The following PAPPA2 variants were observed in gnomAD, a reference collection of about 807,000 sequenced individuals.
PAPPA2 encodes the protein pappalysin 2.
A neutral mutation model predicts 176.4 loss-of-function variants in PAPPA2; 86 were observed. The ratio of observed to expected loss-of-function variants is 0.49; its 90% CI spans 0.41 to 0.58. The LOEUF is 0.58. Among genes scored for constraint, PAPPA2 ranks in the 20% least tolerant of loss-of-function variants. PAPPA2 has a pLI of 0.00. For synonymous variants in PAPPA2, 809 were observed against 852.2 expected (o/e 0.95, Z 0.88); for missense variants, 2,073 against 2,256.9 (o/e 0.92, Z 1.65).
intron 1 of PAPPA2, among the ~76,000 whole-genome samples, chr1:176,525,007 A>T (rs1034257986): frequency 3.3e-5 from 5 of 152,090 alleles, no homozygotes; most frequent in African/African-American, 1.2e-4. Flanking sequence ...GCGCCACTGC[A>T]CTCCAGCCTG....
intron 12 of PAPPA2, among the ~76,000 whole-genome samples, chr1:176,730,649 G>T (rs791025): frequency 0.81 from 121,423 of 150,546 alleles, 48,992 homozygotes; most frequent in East Asian, 0.93. Context: ...ATTATTTCCT[G>T]GCTTTTTGTT....
At chr1:176,479,370 C>T (rs1247980148) in intron 1 of PAPPA2, among the ~76,000 whole-genome samples, 2 of 152,080 alleles carry the variant, frequency 1.3e-5, no homozygotes, top group Non-Finnish European at 2.9e-5. Flanking sequence ...CTCACCAGAT[C>T]ATTAAAAAAA....
chr1:176,715,296 A>G (rs4507975), intron 12 of PAPPA2, among the ~76,000 whole-genome samples: 48,687 of 152,072 alleles, frequency 0.32, 8,264 homozygotes, highest in African/African-American at 0.42. Flanking sequence ...CTTGTGTTCG[A>G]AAAATCTGTT....
intron 3 of PAPPA2, among the ~76,000 whole-genome samples, chr1:176,628,520 T>C (rs1656159985): frequency 6.6e-6 from 1 of 152,100 alleles, no homozygotes; most frequent in African/African-American, 2.4e-5. Context: ...ATGTGAAAAA[T>C]ATAATAAAAT....
intron 2 of PAPPA2, among the ~76,000 whole-genome samples, chr1:176,580,065 AC>A (rs1652874004): frequency 6.6e-6 from 1 of 152,168 alleles, no homozygotes; most frequent in African/African-American, 2.4e-5. Flanking sequence ...TATTATTTTA[AC>A]CATAGTCATC....
intron 20 of PAPPA2, among the ~76,000 whole-genome samples, chr1:176,799,388 C>G (rs1018376049): frequency 6.6e-6 from 1 of 152,196 alleles, no homozygotes; most frequent in Non-Finnish European, 1.5e-5. Context: ...AACAGCATCT[C>G]AAGATGAACG....
At chr1:176,642,362 G>T (rs1657148682) in intron 3 of PAPPA2, among the ~76,000 whole-genome samples, 1 of 151,668 alleles carries the variant, frequency 6.6e-6, no homozygotes, top group East Asian at 2.0e-4. Flanking sequence ...CATGCATGTA[G>T]TACTTTTAGA....
chr1:176,766,336 T>A (rs1663964099), intron 15 of PAPPA2, among the ~76,000 whole-genome samples: 1 of 152,220 alleles, frequency 6.6e-6, no homozygotes, highest in Non-Finnish European at 1.5e-5. Flanking sequence ...TTTTCCAAAT[T>A]TCTACAAGCT....
intron 21 of PAPPA2, among the ~76,000 whole-genome samples, chr1:176,814,299 G>GT (rs1207447493): frequency 2.6e-5 from 4 of 152,060 alleles, no homozygotes; most frequent in Non-Finnish European, 5.9e-5. Flanking sequence ...TTTTAAAATA[G>GT]TTTTTTTCTA....
intron 1 of PAPPA2, among the ~76,000 whole-genome samples, chr1:176,518,452 T>TAAAAAAA (rs368157026): frequency 8.2e-6 from 1 of 121,732 alleles, no homozygotes; most frequent in Non-Finnish European, 1.8e-5. Context: ...GCTTGACAGG[T>TAAAAAAA]AAAAAAAAAA....
chr1:176,522,076 C>T (rs780322685), intron 1 of PAPPA2, among the ~76,000 whole-genome samples: 1 of 152,154 alleles, frequency 6.6e-6, no homozygotes, highest in Non-Finnish European at 1.5e-5. Context: ...CTGGCTTCCT[C>T]CATCTGTGGA....
chr1:176,648,085 A>G (rs1657516063), intron 3 of PAPPA2, among the ~76,000 whole-genome samples: 1 of 151,484 alleles, frequency 6.6e-6, no homozygotes, highest in South Asian at 2.1e-4. Flanking sequence ...ATATATTTCC[A>G]TTTATTGCAC....
intron 2 of PAPPA2, among the ~76,000 whole-genome samples, chr1:176,563,641 A>G (rs1237361363): frequency 6.6e-6 from 1 of 152,192 alleles, no homozygotes; most frequent in East Asian, 1.9e-4. Context: ...TTGCTAACTC[A>G]TACTTTAGAG....
At chr1:176,826,575 C>A (rs565070953) in intron 21 of PAPPA2, among the ~76,000 whole-genome samples, 1 of 152,314 alleles carries the variant, frequency 6.6e-6, no homozygotes, top group Admixed American at 6.5e-5. Context: ...GGTTGAGGAT[C>A]AGAAGCACAA....
chr1:176,549,844 C>T (rs969141319), intron 1 of PAPPA2, among the ~76,000 whole-genome samples: 14 of 152,198 alleles, frequency 9.2e-5, no homozygotes, highest in Non-Finnish European at 2.1e-4. Context: ...TCTGCCCACC[C>T]CCACAACATT....
In PAPPA2 at chr1:176,799,641, T is replaced by C. The variant is rs1025252312; in HGVS notation, c.5131-420T>C. 4.6e-4 allele frequency among the ~76,000 whole-genome samples: 70 copies of C among 152,350 alleles called. 1 individual carries two copies. The highest frequency in any genetic ancestry group is 9.6e-4 in the Non-Finnish European group (65 of 68,034). On this transcript the variant is annotated intron_variant, in intron 20 of 22. Transcript: ENST00000367662. ...TCTGTAAAACTGTATTTGTCGATCT[T>C]TAAAAGCCCATTGTGTGTGATCAAC... is the stretch of plus-strand genomic sequence containing the variant.
chr1:176,696,876 C>G (rs1408078472), intron 7 of PAPPA2, among the ~76,000 whole-genome samples: 3 of 152,194 alleles, frequency 2.0e-5, no homozygotes, highest in African/African-American at 7.2e-5. Flanking sequence ...CTCCCAGTCA[C>G]TCAAGTGACA....
At chr1:176,527,545 A>G (rs186329349) in intron 1 of PAPPA2, among the ~76,000 whole-genome samples, 2 of 152,336 alleles carry the variant, frequency 1.3e-5, no homozygotes, top group Admixed American at 6.5e-5. Flanking sequence ...GGCACAGAGT[A>G]TATGCTCACT....
In PAPPA2 at chr1:176,556,221, G is replaced by C; in HGVS notation, c.-102G>C. The C allele has an allele frequency of 7.5e-7, 1 of 1,329,488 alleles. No individual in the cohort carries two copies. Among genetic ancestry groups the C allele is most frequent in the Non-Finnish European group, 1.0e-6 (1 of 971,810 alleles). The allele number at this position is 1,329,488 out of a possible 1,614,324, so 82.4% of individuals were successfully genotyped here. A position where few individuals can be genotyped will look rare whatever the true frequency, so the allele number is the denominator to read the frequency against. On this transcript the variant is annotated 5_prime_UTR_variant, in exon 2 of 23. Transcript: ENST00000367662. Reference sequence around the variant, plus strand: ...CTGTGAACAAAACAGTTTCCCTGGTGACTGCAAATCCATTGCTAGCTGCCT... The same window carrying C: ...CTGTGAACAAAACAGTTTCCCTGGTCACTGCAAATCCATTGCTAGCTGCCT...
Sources: gnomAD v4.1 joint callset for allele counts (sites outside exome capture counted in the v4.1 genomes callset) on GRCh38, gnomAD v4.1.1 for gene constraint, MANE v1.5 for transcripts, NCBI Gene and HGNC (gene_info 2026-07-23, HGNC 2026-07-21) for gene names.